Variants in SLC8A1 observed in about 807,000 individuals in gnomAD.
SLC8A1 encodes the protein sodium/calcium exchanger 1.
In SLC8A1, 18 loss-of-function variants were observed where a neutral mutation model predicts 68.3. That is an observed-to-expected ratio of 0.26 (90% CI 0.18 to 0.39). The LOEUF is 0.39. Ranked by LOEUF, SLC8A1 falls within the 10% of genes least tolerant of loss-of-function variation. The pLI, the probability that SLC8A1 is intolerant of heterozygous loss-of-function variation, is 1.00. For synonymous variants in SLC8A1, 475 were observed against 415.5 expected, an observed-to-expected ratio of 1.14 and a Z score of -1.74; for missense variants, 985 against 1,156.7, an observed-to-expected ratio of 0.85 and a Z score of 2.15.
intron 2 of SLC8A1, among the ~76,000 whole-genome samples, chr2:40,213,786 C>A (rs942164365): frequency 1.3e-5 from 2 of 152,190 alleles, no homozygotes; most frequent in Non-Finnish European, 2.9e-5. Flanking sequence ...TCTCACACTG[C>A]CAAGCCTTTC....
At chr2:40,184,544 C>A (rs1466068349) in intron 2 of SLC8A1, among the ~76,000 whole-genome samples, 4 of 152,144 alleles carry the variant, frequency 2.6e-5, no homozygotes, top group African/African-American at 9.7e-5. Flanking sequence ...CAGTGATTTC[C>A]TTCTCAAGAA....
chr2:40,225,358 A>G (rs1369659552), intron 2 of SLC8A1, among the ~76,000 whole-genome samples: 1 of 152,160 alleles, frequency 6.6e-6, no homozygotes, highest in Non-Finnish European at 1.5e-5. Flanking sequence ...TACATAAGGT[A>G]TTTAAAATAG....
chr2:40,140,637 C>T (rs6735142), intron 6 of SLC8A1, among the ~76,000 whole-genome samples: 145,838 of 152,352 alleles, frequency 0.96, 70,137 homozygotes, highest in East Asian at 1. Context: ...GTTTGAGAAC[C>T]GCTTTTCTAA....
chr2:40,302,538 ACATAT>A (rs1437081988), intron 2 of SLC8A1, among the ~76,000 whole-genome samples: 2 of 149,084 alleles, frequency 1.3e-5, no homozygotes, highest in African/African-American at 2.5e-5. Flanking sequence ...ATATTTACAC[ACATAT>A]CATATATATG....
chr2:40,138,502 C>T (rs1214543774), intron 7 of SLC8A1, among the ~76,000 whole-genome samples: 1 of 152,122 alleles, frequency 6.6e-6, no homozygotes, highest in Non-Finnish European at 1.5e-5. Flanking sequence ...AAAGTAAAGG[C>T]TATATATCTG....
intron 2 of SLC8A1, among the ~76,000 whole-genome samples, chr2:40,273,879 T>C (rs1559052227): frequency 6.7e-6 from 1 of 149,978 alleles, no homozygotes; most frequent in African/African-American, 2.5e-5. Flanking sequence ...TTTTTTTTTT[T>C]TTCCATTTTA....
chr2:40,133,192 G>T (rs2039739239), intron 7 of SLC8A1, among the ~76,000 whole-genome samples: 1 of 152,110 alleles, frequency 6.6e-6, no homozygotes, highest in Admixed American at 6.5e-5. Flanking sequence ...CAGCTCTAAA[G>T]CTCTTGTCCC....
At chr2:40,207,975 G>C (rs408263) in intron 2 of SLC8A1, among the ~76,000 whole-genome samples, 10 of 151,964 alleles carry the variant, frequency 6.6e-5, no homozygotes, top group Admixed American at 1.3e-4. Context: ...CTTAGGGTCC[G>C]TGAACCAGAC....
At chr2:40,423,731 C>T (rs1209891555) in intron 2 of SLC8A1, among the ~76,000 whole-genome samples, 1 of 151,936 alleles carries the variant, frequency 6.6e-6, no homozygotes, top group Non-Finnish European at 1.5e-5. Flanking sequence ...CATAAACAAC[C>T]TTTCTGCACA....
intron 2 of SLC8A1, among the ~76,000 whole-genome samples, chr2:40,367,806 A>G (rs1676753710): frequency 6.6e-6 from 1 of 152,092 alleles, no homozygotes. Flanking sequence ...GGATTACACT[A>G]GCTTTGTTCA....
chr2:40,248,063 C>T (rs960700903), intron 2 of SLC8A1, among the ~76,000 whole-genome samples: 1 of 152,138 alleles, frequency 6.6e-6, no homozygotes, highest in African/African-American at 2.4e-5. Context: ...GGTATGTTCT[C>T]TATTACACCA....
At chr2:40,123,898 G>T (rs1032938529) in intron 7 of SLC8A1, among the ~76,000 whole-genome samples, 2 of 152,096 alleles carry the variant, frequency 1.3e-5, no homozygotes, top group Non-Finnish European at 2.9e-5. Context: ...ACAATCTAGG[G>T]CTGCCCTGCA....
At chr2:40,210,044 C>G (rs2056295320) in intron 2 of SLC8A1, 1 of 152,182 alleles carries the variant, frequency 6.6e-6, no homozygotes, top group Admixed American at 6.5e-5. Flanking sequence ...TGTATATTTG[C>G]TAGTTCTAAT....
exon 8 of SLC8A1, chr2:40,103,897 A>C (rs1289780353): frequency 2.0e-5 from 3 of 152,218 alleles, no homozygotes; most frequent in Admixed American, 2.0e-4. Context: ...GCTGGCTCAC[A>C]ACTTAAAGTA....
Position 40,389,810 on chromosome 2 carries a change from TATATATG to T in SLC8A1, c.1808+38656_1808+38662del, listed in dbSNP as rs201950443. On this transcript the variant is annotated intron_variant, in intron 2 of 7. Coordinates refer to ENST00000406785, the Ensembl canonical transcript of SLC8A1. ...GGACACTTAAAAATTTGGGGAAATA[TATATATG>T]ATATATGATATATATGATATATATA... 4.0e-3 allele frequency among the ~76,000 whole-genome samples: 598 copies of T among 150,060 alleles called. 5 individuals are homozygous for T. The highest frequency in any genetic ancestry group is 7.1e-3 in the Middle Eastern group (2 of 282).
rs1217177482 is a variant in SLC8A1, at chr2:40,237,925, G to C, written c.1809-60070C>G. On this transcript the variant is annotated intron_variant, in intron 2 of 7. Transcript: ENST00000406785. ...TCCCAGTTAGGCTGCTCGGGGGTCA[G>C]GGGTCAGGGACCCACTTGGGGAGGC... Among the ~76,000 whole-genome samples, 30 of 113,704 alleles carry C rather than the reference G, an allele frequency of 2.6e-4. No homozygotes were observed. The Admixed American group carries it at 3.2e-3, about 12-fold the overall frequency. The allele number at this position is 113,704 out of a possible 152,430, so 74.6% of individuals were successfully genotyped here.
intron 2 of SLC8A1, among the ~76,000 whole-genome samples, chr2:40,377,548 G>C (rs1303302184): frequency 6.6e-6 from 1 of 152,102 alleles, no homozygotes; most frequent in Non-Finnish European, 1.5e-5. Flanking sequence ...GTGTGCTTCA[G>C]ATGCCAACTC....
intron 2 of SLC8A1, among the ~76,000 whole-genome samples, chr2:40,383,102 T>C (rs1461700014): frequency 2.0e-5 from 3 of 152,152 alleles, no homozygotes; most frequent in African/African-American, 7.2e-5. Flanking sequence ...TTTGATTTTG[T>C]TTTTTAATGA....
exon 8 of SLC8A1, chr2:40,106,792 A>G (rs2034225982): frequency 6.6e-6 from 1 of 152,226 alleles, no homozygotes; most frequent in East Asian, 1.9e-4. Context: ...TAGAAATAAA[A>G]CAAAGTCTTT....
Sources: allele counts gnomAD v4.1 joint callset (sites outside exome capture counted in the v4.1 genomes callset), GRCh38; gene constraint gnomAD v4.1.1; transcripts MANE v1.5; gene names NCBI Gene and HGNC (gene_info 2026-07-23, HGNC 2026-07-21).